Variants in CSMD1 observed in about 807,000 individuals in gnomAD.
CSMD1 encodes the protein CUB and Sushi multiple domains 1.
CSMD1 carries 213 observed loss-of-function variants against 417.5 expected under a neutral mutation model. The ratio of observed to expected loss-of-function variants is 0.51; its 90% CI spans 0.46 to 0.57. CSMD1 has a LOEUF of 0.57. Among genes scored for constraint, CSMD1 ranks in the 20% least tolerant of loss-of-function variants. The pLI, the probability that CSMD1 is intolerant of heterozygous loss-of-function variation, is 0.00. For synonymous variants in CSMD1, 2,862 were observed against 1,736.8 expected (o/e 1.65, Z -16.11); for missense variants, 6,923 against 4,529.7 (o/e 1.53, Z -15.17).
intron 15 of CSMD1, among the ~76,000 whole-genome samples, chr8:3,402,184 T>A (rs1812077627): frequency 6.6e-6 from 1 of 152,142 alleles, no homozygotes; most frequent in South Asian, 2.1e-4. Flanking sequence ...AACACTAAGG[T>A]TCTCTAGACT....
At chr8:3,155,212 G>C (rs967145533) in intron 39 of CSMD1, among the ~76,000 whole-genome samples, 5 of 151,898 alleles carry the variant, frequency 3.3e-5, no homozygotes, top group South Asian at 2.1e-4. Context: ...TCATTGTGAA[G>C]TTTAAAAAAT....
At chr8:4,838,014 G>A (rs1800603513) in intron 1 of CSMD1, among the ~76,000 whole-genome samples, 1 of 152,166 alleles carries the variant, frequency 6.6e-6, no homozygotes, top group African/African-American at 2.4e-5. Context: ...TCTGTTCTAT[G>A]GGCCCAGGAG....
At chr8:3,349,839 C>A (rs1200481050) in intron 21 of CSMD1, among the ~76,000 whole-genome samples, 1,386 of 137,720 alleles carry the variant, frequency 0.01, 18 homozygotes, top group African/African-American at 0.033. Flanking sequence ...TATAATATAT[C>A]TAGATATAAA....
At chr8:4,412,023 G>C (rs1032689675) in intron 3 of CSMD1, among the ~76,000 whole-genome samples, 5 of 145,320 alleles carry the variant, frequency 3.4e-5, no homozygotes, top group African/African-American at 1.0e-4. Context: ...TGTGTAGCCA[G>C]GGCAAATGAT....
intron 49 of CSMD1, among the ~76,000 whole-genome samples, chr8:3,076,977 C>T (rs912350078): frequency 6.6e-6 from 1 of 151,998 alleles, no homozygotes; most frequent in African/African-American, 2.4e-5. Flanking sequence ...AACAGGCAAC[C>T]CTCACCCCTG....
At chr8:3,671,658 C>G (rs896299843) in intron 7 of CSMD1, among the ~76,000 whole-genome samples, 9 of 149,746 alleles carry the variant, frequency 6.0e-5, no homozygotes, top group African/African-American at 2.2e-4. Context: ...TCACAAGCCT[C>G]TGCCTTGCTT....
At chr8:3,230,277 T>G (rs372257536) in intron 26 of CSMD1, 46 bp from the exon 27 acceptor site, 301 of 1,461,918 alleles carry the variant, frequency 2.1e-4, no homozygotes, top group Middle Eastern at 1.2e-3. Context: ...AAAACATGGT[T>G]TCCACATTCT....
intron 27 of CSMD1, among the ~76,000 whole-genome samples, chr8:3,229,019 G>A (rs1303915958): frequency 6.6e-6 from 1 of 152,020 alleles, no homozygotes; most frequent in South Asian, 2.1e-4. Flanking sequence ...GGCTGATAAG[G>A]ACAGCTATCC....
chr8:3,625,052 C>T (rs1301461978), intron 7 of CSMD1, among the ~76,000 whole-genome samples: 1 of 149,532 alleles, frequency 6.7e-6, no homozygotes, highest in African/African-American at 2.4e-5. Context: ...TCCTACGAGA[C>T]ATTTCTACAT....
intron 3 of CSMD1, among the ~76,000 whole-genome samples, chr8:4,397,038 A>T (rs1275385780): frequency 6.8e-6 from 1 of 146,716 alleles, no homozygotes; most frequent in Non-Finnish European, 1.5e-5. Context: ...ATTAAAAAAA[A>T]AATAAAGAAA....
rs142612666 is a variant in CSMD1 at position 4,285,534 on chromosome 8, A to C, written c.415+134419T>G. Among the ~76,000 whole-genome samples the C allele has an allele frequency of 2.2e-3, 337 of 152,320 alleles. 1 individual carries two copies. The highest frequency in any genetic ancestry group is 7.8e-3 in the African/African-American group (326 of 41,584). On this transcript the variant is annotated intron_variant, in intron 3 of 69. Transcript: ENST00000635120. The stretch of plus-strand genomic sequence containing the variant: ...GACAGATCTCTTGTTTTCGGATATC[A>C]GGGCTTTCTCTCCATGGATGAGGGC...
intron 1 of CSMD1, among the ~76,000 whole-genome samples, chr8:4,694,655 G>A (rs114521429): frequency 2.6e-5 from 4 of 151,898 alleles, no homozygotes; most frequent in South Asian, 2.1e-4. Context: ...GAGTCACCGC[G>A]CCCAGCCCAA....
In CSMD1 at chr8:3,406,034, G is replaced by C. The variant is rs984223304; in HGVS notation, c.2259C>G (p.Arg753=). 1 of 1,613,682 alleles carries C rather than the reference G, an allele frequency of 6.2e-7. No homozygotes were observed. The highest frequency in any genetic ancestry group is 1.7e-5 in the Admixed American group (1 of 59,992). Residue 753 remains arginine (R), a synonymous_variant, in exon 15 of 70, where the codon CGC becomes CGG. Coordinates refer to ENST00000635120, the MANE Select transcript of CSMD1 (RefSeq NM_033225.6). ...GGGTGGCAGGGACTGCACCTTCACA[G>C]CGGGGCACGGTGGAGCTCCAGACCA... ...GNVVWSSTVP[R]CEAPCGGHLT...
chr8:4,542,313 T>C (rs1222978691), intron 2 of CSMD1, among the ~76,000 whole-genome samples: 1 of 152,134 alleles, frequency 6.6e-6, no homozygotes, highest in Non-Finnish European at 1.5e-5. Flanking sequence ...TAATATAAAT[T>C]GTCGTTCTCC....
chr8:4,405,221 G>C (rs895117116), intron 3 of CSMD1, among the ~76,000 whole-genome samples: 8 of 152,082 alleles, frequency 5.3e-5, no homozygotes, highest in African/African-American at 1.9e-4. Flanking sequence ...ACTAACCCGT[G>C]GTTTTGCATC....
intron 26 of CSMD1, among the ~76,000 whole-genome samples, chr8:3,243,598 T>C (rs1799686753): frequency 6.6e-6 from 1 of 151,940 alleles, no homozygotes; most frequent in African/African-American, 2.4e-5. Flanking sequence ...AACAGGCCAT[T>C]TTCACTTCTT....
intron 2 of CSMD1, among the ~76,000 whole-genome samples, chr8:4,465,182 G>A (rs111472126): frequency 6.6e-6 from 1 of 152,286 alleles, no homozygotes; most frequent in African/African-American, 2.4e-5. Context: ...AGAGGGAATA[G>A]GAAGTCCAAA....
At chr8:4,046,286 G>A (rs1366543889) in intron 3 of CSMD1, among the ~76,000 whole-genome samples, 1 of 152,022 alleles carries the variant, frequency 6.6e-6, no homozygotes, top group Non-Finnish European at 1.5e-5. Context: ...CTGTTTCTCA[G>A]TCTAACTTCA....
chr8:3,551,065 G>A (rs375260203), intron 10 of CSMD1, among the ~76,000 whole-genome samples: 3 of 152,164 alleles, frequency 2.0e-5, no homozygotes, highest in Non-Finnish European at 4.4e-5. Context: ...TCACCATGCT[G>A]TGAGAGCTCA....
Sources: gnomAD v4.1 joint callset for allele counts (sites outside exome capture counted in the v4.1 genomes callset) on GRCh38, gnomAD v4.1.1 for gene constraint, MANE v1.5 for transcripts, NCBI Gene and HGNC (gene_info 2026-07-23, HGNC 2026-07-21) for gene names.